HMCN1: variants seen among roughly 807,000 people sequenced by gnomAD.
The protein encoded by HMCN1 is hemicentin-1.
HMCN1 carries 321 observed loss-of-function variants against 625.9 expected under a neutral mutation model. The ratio of observed to expected loss-of-function variants is 0.51; its 90% CI spans 0.47 to 0.56. The LOEUF (loss-of-function observed/expected upper bound fraction) is 0.56. HMCN1 is among the 20% of genes least tolerant of loss of function. HMCN1 has a pLI of 0.00. For missense variants in HMCN1, 6,588 were observed against 6,887.3 expected, an observed-to-expected ratio of 0.96 and a Z score of 1.54; for synonymous variants, 2,425 against 2,417.6, an observed-to-expected ratio of 1.00 and a Z score of -0.09.
At chr1:185,974,106 C>T (rs953086280) in intron 15 of HMCN1, among the ~76,000 whole-genome samples, 15 of 152,158 alleles carry the variant, frequency 9.9e-5, no homozygotes, top group African/African-American at 3.4e-4. Flanking sequence ...ATGTAAGTTA[C>T]AGCAAAGTTA....
rs866698188 is a variant in HMCN1 at position 186,129,349 on chromosome 1, T to A, written c.12905-617T>A. ...TTTCTTCTAAATGTTATATGTTATT[T>A]ATAATATAAATTTTATAAATATTAC... On this transcript the variant is annotated intron_variant, in intron 83 of 106. Coordinates refer to ENST00000271588, the MANE Select transcript of HMCN1 (RefSeq NM_031935.3). Among the ~76,000 whole-genome samples the A allele has an allele frequency of 4.0e-5, 6 of 150,984 alleles. No individual in the cohort carries two copies. In the Middle Eastern group the frequency reaches 0.017, roughly 434 times the overall value.
At chr1:186,046,846 GAGGACAGA>G (rs1656605606) in intron 41 of HMCN1, among the ~76,000 whole-genome samples, 1 of 152,096 alleles carries the variant, frequency 6.6e-6, no homozygotes, top group African/African-American at 2.4e-5. Flanking sequence ...TCAGATTCAG[GAGGACAGA>G]AGACCACCGA....
chr1:186,116,901 C>A, intron 75 of HMCN1, 93 bp from the exon 76 acceptor site: 1 of 1,402,712 alleles, frequency 7.1e-7, no homozygotes, highest in Non-Finnish European at 1.0e-6. Flanking sequence ...GTACTGTTTT[C>A]ATCAATTTAC....
Position 185,933,529 on chromosome 1 carries a change from A to C in HMCN1, c.1553-20A>C. 6.2e-7 allele frequency: 1 copy of C among 1,613,660 alleles called. No individual in the cohort carries two copies. ...AATGGCTTTTAGGTCTCTTGATTTG[A>C]ATTTTTTGATTTCACACAGAGCCCC... On this transcript the variant is annotated intron_variant, in intron 10 of 106. Coordinates refer to ENST00000271588, the MANE Select transcript of HMCN1 (RefSeq NM_031935.3).
rs138455877 is a variant in HMCN1 at position 185,911,741 on chromosome 1, G to A, written c.861G>A (p.Val287=). Residue 287 remains valine (V), a synonymous_variant, in exon 6 of 107, where the codon GTG becomes GTA. Transcript: ENST00000271588. ...LLNIHNSAKV[V]NVKEPEAGMW... is the part of the protein sequence containing the mutation. ...ATATCCATAACTCTGCCAAAGTAGT[G>A]AATGTGAAAGAGCCAGAGGCTGGAA... The A allele has an allele frequency of 4.3e-4, 698 of 1,613,446 alleles. 1 individual carries two copies. The highest frequency in any genetic ancestry group is 2.8e-3 in the South Asian group (258 of 91,084).
chr1:186,071,182 C>T (rs950845714), intron 52 of HMCN1, among the ~76,000 whole-genome samples: 3 of 152,026 alleles, frequency 2.0e-5, no homozygotes, highest in East Asian at 1.9e-4. Flanking sequence ...GTTGCTATCC[C>T]GGGTTAGAAT....
In HMCN1 at chr1:186,087,223, G is replaced by A. The variant is rs780839537; in HGVS notation, c.9053G>A (p.Arg3018Gln). 13 of 1,608,204 alleles carry A rather than the reference G, an allele frequency of 8.1e-6. No homozygotes were observed. The Admixed American group carries it at 1.3e-4, about 17-fold the overall frequency. Residue 3018 changes from arginine (R) to glutamine (Q), a missense_variant, in exon 59 of 107, where the codon CGA becomes CAA. This residue lies in a region of HMCN1 where 4,628 missense variants were observed against 4,853.1 expected (regional missense o/e 0.95). Transcript: ENST00000271588. ...NTNTLIVPGG[R>Q]TLQIIRAKVS... Reference sequence around the variant, plus strand: ...GCATTCTATTTACCTACAGGTGGTCGAACTCTACAGATTATTCGGGCCAAG... The same window carrying A: ...GCATTCTATTTACCTACAGGTGGTCAAACTCTACAGATTATTCGGGCCAAG...
intron 30 of HMCN1, among the ~76,000 whole-genome samples, chr1:186,011,824 G>A (rs915599363): frequency 6.6e-6 from 1 of 152,064 alleles, no homozygotes; most frequent in African/African-American, 2.4e-5. Flanking sequence ...TGGTAATTTG[G>A]GGTTGGACTC....
At chr1:185,802,801 T>A (rs1571374239) in intron 1 of HMCN1, among the ~76,000 whole-genome samples, 1 of 152,064 alleles carries the variant, frequency 6.6e-6, no homozygotes, top group East Asian at 1.9e-4. Context: ...GAAGAAATAG[T>A]GATCACAGAT....
chr1:186,003,620 T>G, intron 28 of HMCN1, 98 bp from the exon 29 acceptor site: 1 of 1,132,808 alleles, frequency 8.8e-7, no homozygotes. Flanking sequence ...CATTAAGATC[T>G]TGTTGAAATA....
intron 2 of HMCN1, among the ~76,000 whole-genome samples, chr1:185,848,998 G>A (rs559017271): frequency 6.6e-6 from 1 of 152,158 alleles, no homozygotes; most frequent in African/African-American, 2.4e-5. Flanking sequence ...GCAGACAAAG[G>A]GATCTCAGAA....
At chr1:186,155,428 T>G (rs1176805934) in intron 97 of HMCN1, among the ~76,000 whole-genome samples, 1 of 152,134 alleles carries the variant, frequency 6.6e-6, no homozygotes, top group Non-Finnish European at 1.5e-5. Flanking sequence ...CTTTCCCTAA[T>G]TATGCCTGCT....
chr1:185,988,466 C>T (rs1216166570), intron 20 of HMCN1, among the ~76,000 whole-genome samples: 2 of 152,114 alleles, frequency 1.3e-5, no homozygotes, highest in Non-Finnish European at 2.9e-5. Flanking sequence ...ATCTAAAAAT[C>T]TCTGAAATAT....
intron 4 of HMCN1, among the ~76,000 whole-genome samples, chr1:185,869,611 G>A (rs1663482275): frequency 6.6e-6 from 1 of 152,072 alleles, no homozygotes; most frequent in Admixed American, 6.5e-5. Context: ...AGCTCCTACT[G>A]GAACTGTACA....
chr1:186,114,829 T>A lies in HMCN1; in HGVS notation c.11287T>A (p.Leu3763Met). 6.2e-7 allele frequency: 1 copy of A among 1,614,212 alleles called. No individual in the cohort carries two copies. The highest frequency in any genetic ancestry group is 1.3e-5 in the African/African-American group (1 of 75,064). The change falls in exon 74 of 107, where the codon TTG (leucine) becomes ATG (methionine). Residue 3763 changes from leucine (L) to methionine (M), a missense_variant. This residue lies in a region of HMCN1 where 4,628 missense variants were observed against 4,853.1 expected (regional missense o/e 0.95). Transcript: ENST00000271588. Reference sequence around the variant, plus strand: ...TGATTTCTCTTGTAGATATTCCATCTTGGAAAATGGATTCCTTCATATTCA... The same window carrying A: ...TGATTTCTCTTGTAGATATTCCATCATGGAAAATGGATTCCTTCATATTCA... ...LAGNHARYSI[L>M]ENGFLHIQSA...
At chr1:185,759,243 T>A (rs556345322) in intron 1 of HMCN1, among the ~76,000 whole-genome samples, 1 of 152,338 alleles carries the variant, frequency 6.6e-6, no homozygotes, top group Non-Finnish European at 1.5e-5. Context: ...GTAATATGAG[T>A]ACACTGCACA....
chr1:186,067,921 A>T lies in HMCN1; in HGVS notation c.7793A>T (p.Glu2598Val). ...AACAGCCCTACATCTTTGGTCTGTG[A>T]AGCTTATTCATATCCTCCAGCTACC... The part of the protein sequence containing the change: ...ILNSPTSLVC[E>V]AYSYPPATIT... Residue 2598 changes from glutamate (E) to valine (V), a missense_variant, in exon 50 of 107, where the codon GAA (glutamate) becomes GTA (valine). Physicochemically the swap from Glu to Val is moderately radical, Grantham distance 121. This residue lies in a region of HMCN1 where 4,628 missense variants were observed against 4,853.1 expected (regional missense o/e 0.95). Coordinates refer to ENST00000271588, the MANE Select transcript of HMCN1 (RefSeq NM_031935.3). 1 of 1,613,470 alleles carries T rather than the reference A, an allele frequency of 6.2e-7. No homozygotes were observed. The highest frequency in any genetic ancestry group is 8.5e-7 in the Non-Finnish European group (1 of 1,179,430).
chr1:186,043,942 G>A (rs763982603), intron 40 of HMCN1, among the ~76,000 whole-genome samples: 4 of 152,078 alleles, frequency 2.6e-5, no homozygotes, highest in Non-Finnish European at 1.5e-5. Context: ...TTAGCCAGGC[G>A]TGGTGGCACA....
chr1:185,989,044 G>C (rs1652201719), intron 20 of HMCN1, among the ~76,000 whole-genome samples: 1 of 125,890 alleles, frequency 7.9e-6, no homozygotes, highest in Admixed American at 1.0e-4. Flanking sequence ...GTCTCGCTCT[G>C]TCACACAGGC....
Sources: allele counts gnomAD v4.1 joint callset (sites outside exome capture counted in the v4.1 genomes callset), GRCh38; gene constraint gnomAD v4.1.1; regional missense constraint gnomAD v4.1.1; transcripts MANE v1.5; gene names NCBI Gene and HGNC (gene_info 2026-07-23, HGNC 2026-07-21).